The following CCSER1 variants were observed in gnomAD, a reference collection of about 807,000 sequenced individuals.
CCSER1 encodes the protein serine-rich coiled-coil domain-containing protein 1.
A neutral mutation model predicts 82.0 loss-of-function variants in CCSER1; 41 were observed. The observed-to-expected ratio is 0.50, with a 90% confidence interval of 0.39 to 0.65. The LOEUF is 0.65. Ranked by LOEUF, CCSER1 falls within the 30% of genes least tolerant of loss-of-function variation. The pLI, the probability that CCSER1 is intolerant of heterozygous loss-of-function variation, is 0.00. For synonymous variants in CCSER1, 414 were observed against 383.9 expected (o/e 1.08, Z -0.92); for missense variants, 1,119 against 1,064.2 (o/e 1.05, Z -0.72).
At chr4:90,407,994 G>A (rs796493538) in intron 4 of CCSER1, among the ~76,000 whole-genome samples, 23 of 152,044 alleles carry the variant, frequency 1.5e-4, no homozygotes, top group Admixed American at 2.6e-4. Flanking sequence ...TATATCCCGC[G>A]CATGGCTCAG....
chr4:90,412,722 A>T (rs1466142942), intron 4 of CCSER1, among the ~76,000 whole-genome samples: 1 of 152,184 alleles, frequency 6.6e-6, no homozygotes, highest in African/African-American at 2.4e-5. Flanking sequence ...TATGATTAAA[A>T]TCGTCAGCAA....
intron 10 of CCSER1, among the ~76,000 whole-genome samples, chr4:91,572,799 T>TA (rs1391626275): frequency 1.4e-5 from 2 of 144,664 alleles, no homozygotes; most frequent in African/African-American, 2.6e-5. Flanking sequence ...CTGTCTCTAC[T>TA]AAAAATCTAT....
chr4:90,874,982 G>T (rs1161820184), intron 8 of CCSER1, among the ~76,000 whole-genome samples: 1 of 152,100 alleles, frequency 6.6e-6, no homozygotes, highest in African/African-American at 2.4e-5. Context: ...GGAGGCGGAG[G>T]TTGCAGTGAG....
chr4:90,393,772 CTTTTTTTTTTT>C (rs997027362), intron 3 of CCSER1, among the ~76,000 whole-genome samples: 1 of 111,360 alleles, frequency 9.0e-6, no homozygotes, highest in Non-Finnish European at 1.8e-5. Context: ...TTATATCTTC[CTTTTTTTTTTT>C]TTTTTTTTTT....
At chr4:90,508,800 T>C (rs1302241511) in intron 5 of CCSER1, among the ~76,000 whole-genome samples, 1 of 152,008 alleles carries the variant, frequency 6.6e-6, no homozygotes, top group Non-Finnish European at 1.5e-5. Flanking sequence ...ATAATGCTGA[T>C]TTTAACATAA....
At chr4:90,831,688 T>C (rs1761130359) in intron 8 of CCSER1, among the ~76,000 whole-genome samples, 1 of 152,210 alleles carries the variant, frequency 6.6e-6, no homozygotes, top group Admixed American at 6.5e-5. Flanking sequence ...TCTCAACAAC[T>C]AATGTTGCTT....
intron 5 of CCSER1, among the ~76,000 whole-genome samples, chr4:90,545,685 G>A (rs1456261541): frequency 1.3e-5 from 2 of 152,036 alleles, no homozygotes; most frequent in Admixed American, 6.6e-5. Flanking sequence ...AAGGAAAAGC[G>A]ATGCTTCTTT....
chr4:91,440,072 C>T (rs1481421716), intron 10 of CCSER1, among the ~76,000 whole-genome samples: 3 of 151,998 alleles, frequency 2.0e-5, no homozygotes, highest in Non-Finnish European at 4.4e-5. Flanking sequence ...AGAAAGTTAA[C>T]AAGGATACCC....
At chr4:90,665,358 G>T in intron 6 of CCSER1, among the ~76,000 whole-genome samples, 1 of 148,408 alleles carries the variant, frequency 6.7e-6, no homozygotes, top group African/African-American at 2.5e-5. Context: ...GAGTCTTGCT[G>T]TCGCCCAGGC....
intron 3 of CCSER1, among the ~76,000 whole-genome samples, chr4:90,364,111 G>A (rs1745859310): frequency 6.6e-6 from 1 of 152,024 alleles, no homozygotes; most frequent in Non-Finnish European, 1.5e-5. Context: ...ATAGTGGGAG[G>A]AGAGAGCTTT....
chr4:90,691,633 T>C (rs1735968825), intron 6 of CCSER1, among the ~76,000 whole-genome samples: 1 of 151,930 alleles, frequency 6.6e-6, no homozygotes, highest in African/African-American at 2.4e-5. Context: ...TGTATGTATA[T>C]ATATCACATG....
chr4:91,289,004 G>C (rs184640737), intron 10 of CCSER1, among the ~76,000 whole-genome samples: 2 of 152,170 alleles, frequency 1.3e-5, no homozygotes, highest in Admixed American at 1.3e-4. Context: ...AAAGTCACAA[G>C]AGTGTGGAAA....
At chr4:91,238,207 C>T (rs188973784) in intron 10 of CCSER1, among the ~76,000 whole-genome samples, 22 of 151,978 alleles carry the variant, frequency 1.4e-4, no homozygotes, top group Admixed American at 8.5e-4. Flanking sequence ...ATCAGAAGAA[C>T]GTTTAAAAGA....
chr4:90,850,298 A>G (rs747268621), intron 8 of CCSER1, among the ~76,000 whole-genome samples: 1 of 152,146 alleles, frequency 6.6e-6, no homozygotes, highest in Non-Finnish European at 1.5e-5. Context: ...GGGACTCTAT[A>G]TGGGGCTTCA....
intron 9 of CCSER1, among the ~76,000 whole-genome samples, chr4:91,076,698 C>T (rs1722032124): frequency 6.6e-6 from 1 of 152,168 alleles, no homozygotes; most frequent in Admixed American, 6.6e-5. Context: ...TAAGTCTTGT[C>T]TTCCAGCTTT....
chr4:91,268,706 A>G (rs186358845), intron 10 of CCSER1, among the ~76,000 whole-genome samples: 79 of 152,232 alleles, frequency 5.2e-4, no homozygotes, highest in Admixed American at 2.3e-3. Flanking sequence ...GTAGTGGAAA[A>G]TTACAGTCAA....
intron 10 of CCSER1, among the ~76,000 whole-genome samples, chr4:91,329,893 A>AT (rs1349124776): frequency 2.0e-5 from 3 of 151,542 alleles, no homozygotes; most frequent in Admixed American, 6.6e-5. Context: ...TTGTTGTTAA[A>AT]TTTTTTTCCC....
intron 7 of CCSER1, among the ~76,000 whole-genome samples, chr4:90,787,322 A>G (rs1754647387): frequency 6.6e-6 from 1 of 152,190 alleles, no homozygotes; most frequent in African/African-American, 2.4e-5. Context: ...TAATGCACCC[A>G]TTATAACAAA....
At chr4:90,580,122 C>A (rs550368584) in intron 5 of CCSER1, among the ~76,000 whole-genome samples, 1 of 152,120 alleles carries the variant, frequency 6.6e-6, no homozygotes, top group South Asian at 2.1e-4. Flanking sequence ...AGAGGCTGAG[C>A]TATATTACTT....
Sources: gnomAD v4.1 joint callset for allele counts (sites outside exome capture counted in the v4.1 genomes callset) on GRCh38, gnomAD v4.1.1 for gene constraint, MANE v1.5 for transcripts, NCBI Gene and HGNC (gene_info 2026-07-23, HGNC 2026-07-21) for gene names.